Variants in FAM117A observed in about 807,000 individuals in gnomAD.
FAM117A encodes the protein protein FAM117A.
Under a neutral mutation model 44.1 loss-of-function variants are expected in FAM117A, and 21 were observed. The ratio of observed to expected loss-of-function variants is 0.48; its 90% CI spans 0.34 to 0.69. FAM117A has a LOEUF of 0.69. Among genes scored for constraint, FAM117A ranks in the 30% least tolerant of loss-of-function variants. The probability of loss-of-function intolerance (pLI) is 0.01; values close to 1 mark genes in which losing one functional copy is unlikely to be tolerated. For missense variants in FAM117A, 498 were observed against 589.9 expected, an observed-to-expected ratio of 0.84 and a Z score of 1.61; for synonymous variants, 220 against 238.3, an observed-to-expected ratio of 0.92 and a Z score of 0.71.
intron 1 of FAM117A, among the ~76,000 whole-genome samples, chr17:49,744,752 A>G (rs1390087012): frequency 6.6e-6 from 1 of 151,504 alleles, no homozygotes; most frequent in Non-Finnish European, 1.5e-5. Flanking sequence ...GGTGGCTCAC[A>G]CCTGTCATCC....
At chr17:49,718,828 T>C (rs2143700320) in intron 5 of FAM117A, among the ~76,000 whole-genome samples, 1 of 142,746 alleles carries the variant, frequency 7.0e-6, no homozygotes, top group Middle Eastern at 3.8e-3. Context: ...ATACAAAAAA[T>C]TACCTGGGCA....
intron 2 of FAM117A, among the ~76,000 whole-genome samples, chr17:49,728,630 C>T (rs1376156102): frequency 6.6e-6 from 1 of 152,014 alleles, no homozygotes; most frequent in Non-Finnish European, 1.5e-5. Flanking sequence ...GTGATGAGAC[C>T]ACTTCCTCCC....
At chr17:49,754,681 G>A (rs1249254830) in intron 1 of FAM117A, among the ~76,000 whole-genome samples, 1 of 152,076 alleles carries the variant, frequency 6.6e-6, no homozygotes, top group Non-Finnish European at 1.5e-5. Context: ...GATAAGAGAA[G>A]CTGCCTATGC....
At position 49,734,244 on chromosome 17, in the gene FAM117A, C is replaced by T. The variant is rs1000753081; in HGVS notation, c.197-1524G>A. Reference sequence around the variant, plus strand: ...CTTAATAATTCACATGTATTTAGCACAGCAAAAAGAACTGGGAGCTGTAGG... The same window carrying T: ...CTTAATAATTCACATGTATTTAGCATAGCAAAAAGAACTGGGAGCTGTAGG... On this transcript the variant is annotated intron_variant, in intron 1 of 7. Coordinates refer to ENST00000240364, the MANE Select transcript of FAM117A (RefSeq NM_030802.4). Among the ~76,000 whole-genome samples, 3 of 151,726 alleles carry T rather than the reference C, an allele frequency of 2.0e-5. No individual in the cohort carries two copies. The East Asian group carries it at 5.8e-4, about 29-fold the overall frequency.
upstream of FAM117A, among the ~76,000 whole-genome samples, chr17:49,768,111 A>G (rs2083755902): frequency 6.6e-6 from 1 of 152,168 alleles, no homozygotes; most frequent in African/African-American, 2.4e-5. Context: ...AGATATAGCC[A>G]TTCCCCAAGC....
At chr17:49,783,020 G>A (rs183881086) in intron 1 of FAM117A, among the ~76,000 whole-genome samples, 3 of 152,276 alleles carry the variant, frequency 2.0e-5, no homozygotes, top group Middle Eastern at 3.4e-3. Context: ...TTTCCACCCC[G>A]GCAAATAGAG....
intron 1 of FAM117A, among the ~76,000 whole-genome samples, chr17:49,734,803 G>A (rs993004696): frequency 1.3e-5 from 2 of 152,014 alleles, no homozygotes; most frequent in East Asian, 1.9e-4. Flanking sequence ...ATGGAGAAAC[G>A]GATAAACAAA....
chr17:49,754,321 T>C (rs1171385174), intron 1 of FAM117A, among the ~76,000 whole-genome samples: 2 of 151,710 alleles, frequency 1.3e-5, no homozygotes, highest in African/African-American at 2.4e-5. Context: ...TTTTTTTTTT[T>C]CGAGATGGAG....
chr17:49,755,715 C>T lies in FAM117A; in HGVS notation c.196+8177G>A, dbSNP rs567865394. Among the ~76,000 whole-genome samples the T allele has an allele frequency of 2.0e-5, 3 of 152,292 alleles. No individual in the cohort carries two copies. The South Asian group carries it at 6.2e-4, about 32-fold the overall frequency. On this transcript the variant is annotated intron_variant, in intron 1 of 7. Coordinates refer to ENST00000240364, the MANE Select transcript of FAM117A (RefSeq NM_030802.4). ...CAGTGATTTAAAGAAAGAGAGAATA[C>T]TAACACTTCGGGGGGTTTTGCCTTG...
Position 49,711,570 on chromosome 17 carries a change from G to C in FAM117A, c.1062-15C>G. 1 of 1,612,670 alleles carries C rather than the reference G, an allele frequency of 6.2e-7. No individual in the cohort carries two copies. The highest frequency in any genetic ancestry group is 8.5e-7 in the Non-Finnish European group (1 of 1,179,340). On this transcript the variant is annotated splice_polypyrimidine_tract_variant and intron_variant, in intron 7 of 7. Coordinates refer to ENST00000240364, the MANE Select transcript of FAM117A (RefSeq NM_030802.4). ...GACCTGGAGACCTGGAGGATGAAGA[G>C]AGACACACAAGACACATACGTACAC...
upstream of FAM117A, chr17:49,788,794 C>G (rs376069395): frequency 6.4e-7 from 1 of 1,570,590 alleles, no homozygotes; most frequent in Non-Finnish European, 8.6e-7. Context: ...GCTGCTGCCG[C>G]CGCTGCCCGA....
intron 5 of FAM117A, among the ~76,000 whole-genome samples, chr17:49,719,001 C>G (rs1434171917): frequency 1.3e-5 from 2 of 150,186 alleles, no homozygotes; most frequent in Non-Finnish European, 1.5e-5. Context: ...CGGTGGCTCA[C>G]GCCTGTAATC....
intron 2 of FAM117A, 50 bp downstream of exon 2, chr17:49,732,501 T>C (rs1375489397): frequency 6.3e-7 from 1 of 1,582,192 alleles, no homozygotes; most frequent in South Asian, 1.1e-5. Context: ...CTCAGCCAGC[T>C]CTCCCGCCCC....
In FAM117A at chr17:49,711,526, G is replaced by T; in HGVS notation, c.1091C>A (p.Thr364Asn). The T allele has an allele frequency of 3.1e-6, 5 of 1,614,090 alleles. No individual in the cohort carries two copies. The highest frequency in any genetic ancestry group is 3.4e-6 in the Non-Finnish European group (4 of 1,180,032). Residue 364 changes from threonine (T) to asparagine (N), a missense_variant, in exon 8 of 8, where the codon ACT becomes AAT. Transcript: ENST00000240364. ...TSPGPDLAFL[T>N]SCPDKNKVHF... ...GACTTTGTTCTTGTCAGGACAGGAA[G>T]TCAGGAAGGCCAGGTCAGGACCTGG...
chr17:49,750,239 G>A (rs760919786), intron 1 of FAM117A, among the ~76,000 whole-genome samples: 2 of 148,286 alleles, frequency 1.3e-5, no homozygotes, highest in Non-Finnish European at 3.0e-5. Flanking sequence ...GCTCAAACAC[G>A]CCCACATGTC....
upstream of FAM117A, among the ~76,000 whole-genome samples, chr17:49,764,329 C>T (rs2073737425): frequency 6.6e-6 from 1 of 152,188 alleles, no homozygotes; most frequent in African/African-American, 2.4e-5. Flanking sequence ...ACACCGCCCC[C>T]TTCGGTTTTC....
At chr17:49,739,553 T>C (rs946434065) in intron 1 of FAM117A, among the ~76,000 whole-genome samples, 11 of 152,168 alleles carry the variant, frequency 7.2e-5, no homozygotes, top group Non-Finnish European at 1.3e-4. Context: ...TTATCCTCCA[T>C]GGGCATACCG....
In FAM117A at chr17:49,717,597, C is replaced by A; in HGVS notation, c.826G>T (p.Ala276Ser). Reference protein sequence around the residue: ...NLASSPSMSLASPQPCGLASH... With the variant: ...NLASSPSMSLSSPQPCGLASH... Reference sequence around the variant, plus strand: ...GCCAGGCCACAAGGCTGGGGAGATGCCAAGGACATGGAAGGAGAGCTGGCA... The same window carrying A: ...GCCAGGCCACAAGGCTGGGGAGATGACAAGGACATGGAAGGAGAGCTGGCA... The change falls in exon 6 of 8, where the codon GCA (alanine) becomes TCA (serine). Residue 276 changes from alanine to serine, a missense_variant. Physicochemically the swap from Ala to Ser is moderately conservative, Grantham distance 99. This residue lies in a region of FAM117A where 224 missense variants were observed against 296.5 expected (regional missense o/e 0.76). Transcript: ENST00000240364. 6.2e-7 allele frequency: 1 copy of A among 1,614,058 alleles called. No individual in the cohort carries two copies. Among genetic ancestry groups the A allele is most frequent in the African/African-American group, 1.3e-5 (1 of 75,022 alleles).
rs1029983827 is a variant in FAM117A, at chr17:49,718,551, G to A, written c.709-837C>T. On this transcript the variant is annotated intron_variant, in intron 5 of 7. Coordinates refer to ENST00000240364, the MANE Select transcript of FAM117A (RefSeq NM_030802.4). Reference sequence around the variant, plus strand: ...CCAGGCATTGTGGCGGGCACCTGTAGTCCCAGCTACTCGGGAGGCTGAGGC... The same window carrying A: ...CCAGGCATTGTGGCGGGCACCTGTAATCCCAGCTACTCGGGAGGCTGAGGC... 4.6e-5 allele frequency among the ~76,000 whole-genome samples: 7 copies of A among 152,062 alleles called. No homozygotes were observed. The South Asian group carries it at 1.5e-3, about 32-fold the overall frequency.
Sources: allele counts gnomAD v4.1 joint callset (sites outside exome capture counted in the v4.1 genomes callset), GRCh38; gene constraint gnomAD v4.1.1; regional missense constraint gnomAD v4.1.1; transcripts MANE v1.5; gene names NCBI Gene and HGNC (gene_info 2026-07-23, HGNC 2026-07-21).